P2RY6: variants seen among roughly 807,000 people sequenced by gnomAD.
P2RY6 encodes P2Y purinoceptor 6.
In P2RY6, 19 loss-of-function variants were observed where a neutral mutation model predicts 16.3. The ratio of observed to expected loss-of-function variants is 1.16; its 90% CI spans 0.81 to 1.71. The LOEUF (loss-of-function observed/expected upper bound fraction) is 1.71, where lower values mean the gene tolerates loss of function less well. P2RY6 is among the 40% of genes most tolerant of loss of function. The probability of loss-of-function intolerance (pLI) is 0.00; values close to 1 mark genes in which losing one functional copy is unlikely to be tolerated. For synonymous variants in P2RY6, 184 were observed against 201.5 expected (o/e 0.91, Z 0.74); for missense variants, 389 against 455.5 (o/e 0.85, Z 1.33).
At chr11:73,290,307 GAAA>G in intron 1 of P2RY6, among the ~76,000 whole-genome samples, 1 of 41,926 alleles carries the variant, frequency 2.4e-5, no homozygotes, top group Middle Eastern at 0.01. Flanking sequence ...AGAAAGAAAA[GAAA>G]GAAAGAAAGA....
At chr11:73,292,828 T>C in intron 1 of P2RY6, 1 of 985,334 alleles carries the variant, frequency 1.0e-6, no homozygotes, top group Non-Finnish European at 1.2e-6. Flanking sequence ...GCAGCCTAGC[T>C]GAGGGCAGGA....
chr11:73,277,168 C>T (rs1277413189), intron 1 of P2RY6, among the ~76,000 whole-genome samples: 1 of 151,542 alleles, frequency 6.6e-6, no homozygotes, highest in Non-Finnish European at 1.5e-5. Flanking sequence ...GGCTGAAGTG[C>T]AGTGGCACAA....
Position 73,296,922 on chromosome 11 carries a change from G to A in P2RY6, c.404G>A (p.Trp135Ter). 1 of 1,608,452 alleles carries A rather than the reference G, an allele frequency of 6.2e-7. No homozygotes were observed. Among genetic ancestry groups the A allele is most frequent in the Non-Finnish European group, 8.5e-7 (1 of 1,180,002 alleles). ...YLGICHPLAP[W>*]HKRGGRRAAW... ...GGCATCTGCCACCCGCTGGCCCCCT[G>A]GCACAAACGTGGGGGCCGCCGGGCT... is the stretch of plus-strand genomic sequence containing the variant. Residue 135 changes from tryptophan (W) to a stop codon, truncating the protein, a stop_gained, in exon 3 of 3, where the codon TGG becomes TAG. Transcript: ENST00000540124. LOFTEE classifies it high-confidence loss of function.
At chr11:73,290,364 AAG>A (rs1491581470) in intron 1 of P2RY6, among the ~76,000 whole-genome samples, 1 of 103,150 alleles carries the variant, frequency 9.7e-6, no homozygotes, top group Admixed American at 8.9e-5. Context: ...AGAAAGAAAG[AAG>A]GAAAGAAAGA....
intron 1 of P2RY6, among the ~76,000 whole-genome samples, chr11:73,290,752 G>A (rs1322961823): frequency 6.6e-6 from 1 of 152,208 alleles, no homozygotes; most frequent in Non-Finnish European, 1.5e-5. Flanking sequence ...CTCCCTCCCA[G>A]GTGCACCCAT....
At chr11:73,276,364 A>T (rs529869604) in intron 1 of P2RY6, among the ~76,000 whole-genome samples, 3 of 152,348 alleles carry the variant, frequency 2.0e-5, no homozygotes, top group Middle Eastern at 3.4e-3. Flanking sequence ...CCCTGGTTCC[A>T]TTCAAAGGTG....
At chr11:73,280,016 C>A (rs947606361) in intron 1 of P2RY6, among the ~76,000 whole-genome samples, 48 of 152,134 alleles carry the variant, frequency 3.2e-4, no homozygotes, top group African/African-American at 1.1e-3. Context: ...TCCTAAAGGA[C>A]GCAGCATTTA....
chr11:73,292,014 T>C lies in P2RY6; in HGVS notation c.-120-3716T>C, dbSNP rs1356388227. On this transcript the variant is annotated intron_variant, in intron 1 of 2. Coordinates refer to ENST00000540124, the MANE Select transcript of P2RY6 (RefSeq NM_001277204.2). ...CCTCTTGGAATGCTGCTTCCCCCTC[T>C]GGAGCTGGCCTCCCTGGGACAGTGA... 5.9e-5 allele frequency among the ~76,000 whole-genome samples: 9 copies of C among 152,342 alleles called. No individual in the cohort carries two copies. In the East Asian group the frequency reaches 1.4e-3, roughly 23 times the overall value.
chr11:73,282,745 C>T (rs536706934), intron 1 of P2RY6, among the ~76,000 whole-genome samples: 6 of 151,512 alleles, frequency 4.0e-5, no homozygotes, highest in South Asian at 4.2e-4. Flanking sequence ...TGTAAATGCA[C>T]GGCAAATGAA....
intron 2 of P2RY6, 60 bp downstream of exon 2, chr11:73,295,875 C>T (rs1023384532): frequency 3.0e-6 from 2 of 674,764 alleles, no homozygotes; most frequent in Non-Finnish European, 3.7e-6. Flanking sequence ...CCGCCCCAGA[C>T]CCTGGGCGAA....
chr11:73,274,540 C>CAAAAAAAA (rs59442426), intron 1 of P2RY6, among the ~76,000 whole-genome samples: 1 of 68,500 alleles, frequency 1.5e-5, no homozygotes, highest in African/African-American at 4.1e-5. Flanking sequence ...GAGACTGTCT[C>CAAAAAAAA]AAAAAAAAAA....
intron 1 of P2RY6, among the ~76,000 whole-genome samples, chr11:73,293,145 G>C (rs1323910852): frequency 6.6e-6 from 1 of 152,202 alleles, no homozygotes; most frequent in Non-Finnish European, 1.5e-5. Context: ...TAGACACTTA[G>C]GGTTTTGATG....
At chr11:73,273,494 G>A (rs1398119982) in intron 1 of P2RY6, among the ~76,000 whole-genome samples, 1 of 152,108 alleles carries the variant, frequency 6.6e-6, no homozygotes, top group East Asian at 1.9e-4. Context: ...GGCTGGGTGG[G>A]TGGAACTCTA....
At chr11:73,270,946 C>T (rs1428174985), upstream of P2RY6, among the ~76,000 whole-genome samples, 2 of 152,172 alleles carry the variant, frequency 1.3e-5, no homozygotes, top group East Asian at 1.9e-4. Flanking sequence ...GTTTCTATAT[C>T]GCTGCTCTTA....
intron 2 of P2RY6, among the ~76,000 whole-genome samples, chr11:73,296,233 A>AAAATATATAT (rs57187973): frequency 1.6e-5 from 2 of 124,514 alleles, no homozygotes; most frequent in African/African-American, 3.5e-5. Flanking sequence ...GAAAAAAAAA[A>AAAATATATAT]ATATATATAT....
chr11:73,273,486 C>T (rs1222664974), intron 1 of P2RY6, among the ~76,000 whole-genome samples: 1 of 152,078 alleles, frequency 6.6e-6, no homozygotes, highest in African/African-American at 2.4e-5. Context: ...GTGTGACTGG[C>T]TGGGTGGGTG....
chr11:73,275,252 A>G (rs1393679829), intron 1 of P2RY6, among the ~76,000 whole-genome samples: 1 of 152,214 alleles, frequency 6.6e-6, no homozygotes, highest in African/African-American at 2.4e-5. Flanking sequence ...CCTGACTCCC[A>G]GGGCAGTGCC....
At chr11:73,294,469 G>T (rs1488871663) in intron 1 of P2RY6, among the ~76,000 whole-genome samples, 2 of 152,218 alleles carry the variant, frequency 1.3e-5, no homozygotes, top group Non-Finnish European at 2.9e-5. Context: ...CTCTGCCTGT[G>T]CTAATCCTGG....
chr11:73,280,187 G>A (rs1374742930), intron 1 of P2RY6, among the ~76,000 whole-genome samples: 2 of 152,094 alleles, frequency 1.3e-5, no homozygotes, highest in Non-Finnish European at 2.9e-5. Context: ...CTGGAACCAG[G>A]CTGCCTGGGT....
Sources: allele counts gnomAD v4.1 joint callset (sites outside exome capture counted in the v4.1 genomes callset), GRCh38; gene constraint gnomAD v4.1.1; transcripts MANE v1.5; gene names NCBI Gene and HGNC (gene_info 2026-07-23, HGNC 2026-07-21).